RALYL: variants seen among roughly 807,000 people sequenced by gnomAD.
RALYL encodes RALY RNA binding protein like.
RALYL carries 29 observed loss-of-function variants against 35.1 expected under a neutral mutation model. The ratio of observed to expected loss-of-function variants is 0.83; its 90% CI spans 0.61 to 1.13. The LOEUF (loss-of-function observed/expected upper bound fraction) is 1.13, where lower values mean the gene tolerates loss of function less well. RALYL is among the 50% of genes most tolerant of loss of function. The probability of loss-of-function intolerance (pLI) is 0.00; values close to 1 mark genes in which losing one functional copy is unlikely to be tolerated. For synonymous variants in RALYL, 120 were observed against 127.6 expected (o/e 0.94, Z 0.40); for missense variants, 359 against 360.4 (o/e 1.00, Z 0.03).
rs142050953 is a variant in RALYL at position 84,301,584 on chromosome 8, G to T, written c.-24+117160G>T. On this transcript the variant is annotated intron_variant, in intron 1 of 8. Transcript: ENST00000521268. ...ACAACGTGATCTTAATAATCAATGG[G>T]AGAATTATGATTGCTCTGTGACCTT... Among the ~76,000 whole-genome samples, 1,177 of 152,144 alleles carry T rather than the reference G, an allele frequency of 7.7e-3. 20 individuals carry two copies. The highest frequency in any genetic ancestry group is 0.027 in the African/African-American group (1,132 of 41,508).
chr8:84,469,703 C>A (rs2052391245), intron 1 of RALYL, among the ~76,000 whole-genome samples: 1 of 152,244 alleles, frequency 6.6e-6, no homozygotes, highest in African/African-American at 2.4e-5. Context: ...TTTACCTAAG[C>A]AAGCCTGGGC....
chr8:84,603,704 A>G (rs1816490425), intron 2 of RALYL, among the ~76,000 whole-genome samples: 1 of 152,110 alleles, frequency 6.6e-6, no homozygotes, highest in Admixed American at 6.6e-5. Flanking sequence ...TTTAATTTAA[A>G]AAACAGACCT....
chr8:84,919,004 GT>G (rs1344639290), intron 8 of RALYL, among the ~76,000 whole-genome samples: 1 of 151,886 alleles, frequency 6.6e-6, no homozygotes, highest in Non-Finnish European at 1.5e-5. Context: ...TCTACAGGTT[GT>G]TTTTTTCATC....
intron 1 of RALYL, among the ~76,000 whole-genome samples, chr8:84,226,666 G>T (rs188995989): frequency 6.6e-6 from 1 of 152,290 alleles, no homozygotes; most frequent in East Asian, 1.9e-4. Flanking sequence ...ATTGTACTTA[G>T]CTGAAGACTT....
intron 3 of RALYL, among the ~76,000 whole-genome samples, chr8:84,804,335 T>G (rs1180719985): frequency 6.6e-6 from 1 of 152,222 alleles, no homozygotes; most frequent in Non-Finnish European, 1.5e-5. Flanking sequence ...ATATATGGTA[T>G]GCTGCTTCTC....
chr8:84,305,964 A>T (rs1355515357), intron 1 of RALYL, among the ~76,000 whole-genome samples: 1 of 152,180 alleles, frequency 6.6e-6, no homozygotes, highest in Non-Finnish European at 1.5e-5. Flanking sequence ...GGAGATCAAG[A>T]CCATCCTGGC....
intron 2 of RALYL, among the ~76,000 whole-genome samples, chr8:84,728,746 A>G (rs374647700): frequency 3.9e-5 from 6 of 151,960 alleles, no homozygotes; most frequent in African/African-American, 7.3e-5. Flanking sequence ...TTTCCCCATT[A>G]CTTGTTTTTC....
In RALYL at chr8:84,862,309, C is replaced by T; in HGVS notation, c.427C>T (p.His143Tyr). The part of the protein sequence containing the change: ...DDFYNRLFDY[H>Y]GRVPPPPRAV... ...TGTTTTGTAAAGGTTATTTGATTAC[C>T]ACGGGCGTGTGCCTCCACCTCCCCG... The change falls in exon 6 of 9, where the codon CAC (histidine) becomes TAC (tyrosine). Residue 143 changes from histidine (H) to tyrosine (Y), a missense_variant. His to Tyr is a moderately conservative substitution (Grantham distance 83). Transcript: ENST00000521268. 2 of 1,581,288 alleles carry T rather than the reference C, an allele frequency of 1.3e-6. No homozygotes were observed.
intron 2 of RALYL, among the ~76,000 whole-genome samples, chr8:84,690,583 AAAACATATACAATTATAAATTGT>A (rs1329623437): frequency 3.9e-5 from 6 of 152,140 alleles, no homozygotes; most frequent in Admixed American, 2.6e-4. Context: ...TATGTATATC[AAAACATATACAATTATAAATTGT>A]AAATATATAC....
intron 2 of RALYL, among the ~76,000 whole-genome samples, chr8:84,598,635 ATAT>A (rs1815177397): frequency 6.6e-6 from 1 of 152,076 alleles, no homozygotes. Context: ...AAAATGTCTT[ATAT>A]ATATCTCAAC....
intron 1 of RALYL, among the ~76,000 whole-genome samples, chr8:84,351,721 G>T (rs1283285109): frequency 6.7e-6 from 1 of 150,058 alleles, no homozygotes; most frequent in African/African-American, 2.5e-5. Flanking sequence ...CAAGGATGGG[G>T]TGCACAATCA....
At chr8:84,613,741 G>C (rs1403023620) in intron 2 of RALYL, among the ~76,000 whole-genome samples, 1 of 151,174 alleles carries the variant, frequency 6.6e-6, no homozygotes, top group Non-Finnish European at 1.5e-5. Flanking sequence ...CAACAACATA[G>C]CTAAAGCATT....
At chr8:84,835,437 GT>G (rs1465795261) in intron 4 of RALYL, among the ~76,000 whole-genome samples, 3 of 149,688 alleles carry the variant, frequency 2.0e-5, no homozygotes, top group Non-Finnish European at 4.4e-5. Flanking sequence ...GCAGGCCGAG[GT>G]GAGCGGATCA....
At chr8:84,353,960 A>G (rs1290875006) in intron 1 of RALYL, among the ~76,000 whole-genome samples, 1 of 150,100 alleles carries the variant, frequency 6.7e-6, no homozygotes, top group African/African-American at 2.5e-5. Context: ...ATATCCCAGG[A>G]TATCTTTTGA....
chr8:84,616,783 G>A (rs1482953376), intron 2 of RALYL, among the ~76,000 whole-genome samples: 1 of 151,770 alleles, frequency 6.6e-6, no homozygotes, highest in Non-Finnish European at 1.5e-5. Flanking sequence ...GTGTAAGGAA[G>A]GGATCCAGTT....
At chr8:84,432,143 G>A (rs535859134) in intron 1 of RALYL, among the ~76,000 whole-genome samples, 1 of 152,224 alleles carries the variant, frequency 6.6e-6, no homozygotes, top group African/African-American at 2.4e-5. Flanking sequence ...GTTTGTGGTA[G>A]CATGATTCAT....
At chr8:84,254,896 C>A (rs1265114070) in intron 1 of RALYL, among the ~76,000 whole-genome samples, 1 of 151,970 alleles carries the variant, frequency 6.6e-6, no homozygotes, top group African/African-American at 2.4e-5. Context: ...GAGGAACTAC[C>A]AAACAATCAT....
intron 1 of RALYL, among the ~76,000 whole-genome samples, chr8:84,437,826 T>C (rs2047904575): frequency 6.6e-6 from 1 of 152,110 alleles, no homozygotes; most frequent in Admixed American, 6.6e-5. Context: ...GCTTTCATCA[T>C]GTGATGTGCT....
intron 1 of RALYL, among the ~76,000 whole-genome samples, chr8:84,415,745 C>T (rs901103249): frequency 2.6e-5 from 4 of 151,660 alleles, no homozygotes; most frequent in African/African-American, 4.9e-5. Context: ...ATTGCCGTTA[C>T]AATAGTACTT....
Sources: gnomAD v4.1 joint callset for allele counts (sites outside exome capture counted in the v4.1 genomes callset) on GRCh38, gnomAD v4.1.1 for gene constraint, MANE v1.5 for transcripts, NCBI Gene and HGNC (gene_info 2026-07-23, HGNC 2026-07-21) for gene names.